Variants in CMTR1 observed in about 807,000 individuals in gnomAD.
CMTR1 encodes cap-specific mRNA (nucleoside-2'-O-)-methyltransferase 1.
A neutral mutation model predicts 107.0 loss-of-function variants in CMTR1; 39 were observed. The ratio of observed to expected loss-of-function variants is 0.36; its 90% CI spans 0.28 to 0.48. The LOEUF (loss-of-function observed/expected upper bound fraction) is 0.48. CMTR1 is among the 20% of genes least tolerant of loss of function. The pLI is 0.99. For synonymous variants in CMTR1, 366 were observed against 379.5 expected, an observed-to-expected ratio of 0.96 and a Z score of 0.41; for missense variants, 672 against 1,064.9, an observed-to-expected ratio of 0.63 and a Z score of 5.14.
chr6:37,431,191 C>G (rs1231379244), upstream of CMTR1, among the ~76,000 whole-genome samples: 1 of 152,010 alleles, frequency 6.6e-6, no homozygotes, highest in Non-Finnish European at 1.5e-5. Flanking sequence ...AAAATTAAAT[C>G]ATTAAATTTG....
At chr6:37,464,839 A>C (rs963132698) in intron 13 of CMTR1, among the ~76,000 whole-genome samples, 1 of 151,972 alleles carries the variant, frequency 6.6e-6, no homozygotes, top group Non-Finnish European at 1.5e-5. Context: ...GAAATTCTGG[A>C]TCATAGAGGA....
At position 37,435,774 on chromosome 6, in the gene CMTR1, TG is replaced by T. The variant is rs1312689775; in HGVS notation, c.133+13del. 1 of 1,579,100 alleles carries T rather than the reference TG, an allele frequency of 6.3e-7. No homozygotes were observed. Among genetic ancestry groups the T allele is most frequent in the East Asian group, 2.3e-5 (1 of 43,082 alleles). On this transcript the variant is annotated intron_variant, in intron 2 of 23. Transcript: ENST00000373451. ...TCATGGAGCAAAAGGTACGTGTGCT[TG>T]TGTGGTCTGAGGCCACTGGCCATCT...
intron 23 of CMTR1, among the ~76,000 whole-genome samples, chr6:37,479,653 T>C (rs2113898932): frequency 6.6e-6 from 1 of 152,336 alleles, no homozygotes; most frequent in East Asian, 1.9e-4. Flanking sequence ...CCGGTGTCCA[T>C]TAGTCAGACT....
chr6:37,476,215 C>G (rs143552460), intron 20 of CMTR1, 21 bp downstream of exon 20: 8 of 1,613,202 alleles, frequency 5.0e-6, no homozygotes, highest in Non-Finnish European at 6.8e-6. Flanking sequence ...GGTCCCTACC[C>G]TCCATGCTTC....
chr6:37,446,549 T>G, intron 4 of CMTR1, 100 bp downstream of exon 4: 2 of 1,387,492 alleles, frequency 1.4e-6, no homozygotes, highest in East Asian at 4.6e-5. Flanking sequence ...CCAGAGGCAG[T>G]ATGAGCAAAG....
chr6:37,441,218 G>A (rs1771667217), intron 2 of CMTR1, among the ~76,000 whole-genome samples: 1 of 152,074 alleles, frequency 6.6e-6, no homozygotes, highest in African/African-American at 2.4e-5. Flanking sequence ...TAGCATGTGG[G>A]CACTCTGTTG....
chr6:37,450,227 T>TA, intron 4 of CMTR1, 24 bp from the exon 5 acceptor site: 1 of 1,599,474 alleles, frequency 6.3e-7, no homozygotes, highest in Non-Finnish European at 8.6e-7. Context: ...ATATCTGTCT[T>TA]ACTAGCCTCT....
chr6:37,466,108 GTTTTTGTTTTTT>G (rs1257806431), intron 13 of CMTR1, among the ~76,000 whole-genome samples: 2 of 127,746 alleles, frequency 1.6e-5, no homozygotes, highest in Admixed American at 8.0e-5. Flanking sequence ...GAGTTTTACA[GTTTTTGTTTTTT>G]TTTTTTTTTT....
intron 6 of CMTR1, 61 bp from the exon 7 acceptor site, chr6:37,452,986 A>G (rs1192396819): frequency 1.4e-6 from 2 of 1,474,850 alleles, no homozygotes; most frequent in Non-Finnish European, 1.9e-6. Context: ...TGGGCACTGC[A>G]GGGTCTTAAG....
chr6:37,448,142 C>T (rs911637667), intron 4 of CMTR1, among the ~76,000 whole-genome samples: 17 of 136,598 alleles, frequency 1.2e-4, no homozygotes, highest in Admixed American at 8.4e-4. Context: ...ACCTGGGAGG[C>T]GGAGCTTGCA....
chr6:37,461,130 C>G (rs576613202), intron 10 of CMTR1, among the ~76,000 whole-genome samples: 1 of 152,350 alleles, frequency 6.6e-6, no homozygotes, highest in South Asian at 2.1e-4. Flanking sequence ...GCAGAGTGTT[C>G]TCACTGTACT....
chr6:37,451,151 A>G (rs567755761), intron 5 of CMTR1, among the ~76,000 whole-genome samples: 1 of 152,280 alleles, frequency 6.6e-6, no homozygotes, highest in Non-Finnish European at 1.5e-5. Context: ...TATTTTTAAA[A>G]TCTGTTTTGA....
chr6:37,464,892 CTGTG>C (rs61375488), intron 13 of CMTR1, among the ~76,000 whole-genome samples: 55,245 of 148,052 alleles, frequency 0.37, 11,501 homozygotes, highest in Middle Eastern at 0.51. Flanking sequence ...TTCTAAAACG[CTGTG>C]TGTGTGTGTG....
Position 37,472,591 on chromosome 6 carries a change from A to G in CMTR1, c.1689+104A>G. ...TGCATGGTCTCCAGAGGGCTTGTGC[A>G]GATGCCCACCATGGGCTCTAAGGGG... is the stretch of plus-strand genomic sequence containing the variant. On this transcript the variant is annotated intron_variant, in intron 16 of 23. Coordinates refer to ENST00000373451, the MANE Select transcript of CMTR1 (RefSeq NM_015050.3). The surrounding 1 kb of genome is among the most constrained non-coding windows in gnomAD (Gnocchi z 4.1). 8.5e-7 allele frequency: 1 copy of G among 1,172,284 alleles called. No individual in the cohort carries two copies. The highest frequency in any genetic ancestry group is 2.4e-5 in the East Asian group (1 of 42,520). 72.6% of individuals were successfully genotyped at this position (1,172,284 alleles called of 1,614,324 possible).
At chr6:37,449,940 ATT>A (rs1315355488) in intron 4 of CMTR1, among the ~76,000 whole-genome samples, 1 of 152,158 alleles carries the variant, frequency 6.6e-6, no homozygotes, top group Non-Finnish European at 1.5e-5. Flanking sequence ...GCCATGTCTT[ATT>A]TAACTCTGCA....
intron 13 of CMTR1, among the ~76,000 whole-genome samples, chr6:37,466,913 G>GT (rs1252657500): frequency 1.3e-5 from 2 of 152,148 alleles, no homozygotes; most frequent in Non-Finnish European, 2.9e-5. Flanking sequence ...GCTCACACCT[G>GT]TAATCCCAGC....
intron 23 of CMTR1, among the ~76,000 whole-genome samples, chr6:37,479,711 A>G (rs1761816576): frequency 6.6e-6 from 1 of 152,196 alleles, no homozygotes. Context: ...GTAATTAGCC[A>G]CTGACATTTT....
chr6:37,477,560 C>A (rs769743978), intron 20 of CMTR1, 32 bp from the exon 21 acceptor site: 1 of 1,605,320 alleles, frequency 6.2e-7, no homozygotes, highest in Non-Finnish European at 8.5e-7. Context: ...CCCCAGGAAG[C>A]CTTTGTCTTG....
the CMTR1 span, among the ~76,000 whole-genome samples, chr6:37,424,350 C>T: frequency 6.6e-6 from 1 of 151,506 alleles, no homozygotes; most frequent in African/African-American, 2.4e-5. Context: ...TCATGACATT[C>T]TCCTGCCTCA....
Sources: allele counts gnomAD v4.1 joint callset (sites outside exome capture counted in the v4.1 genomes callset), GRCh38; gene constraint gnomAD v4.1.1; non-coding constraint Gnocchi (gnomAD v3.1); transcripts MANE v1.5; gene names NCBI Gene and HGNC (gene_info 2026-07-23, HGNC 2026-07-21).